Variants in OTULIN observed in about 807,000 individuals in gnomAD.
OTULIN encodes the protein OTU deubiquitinase with linear linkage specificity.
In OTULIN, 15 loss-of-function variants were observed where a neutral mutation model predicts 39.6. The ratio of observed to expected loss-of-function variants is 0.38; its 90% CI spans 0.25 to 0.58. The LOEUF (loss-of-function observed/expected upper bound fraction) is 0.58, where lower values mean the gene tolerates loss of function less well. Among genes scored for constraint, OTULIN ranks in the 20% least tolerant of loss-of-function variants. OTULIN has a pLI of 0.66. For missense variants in OTULIN, 319 were observed against 445.9 expected (o/e 0.72, Z 2.56); for synonymous variants, 156 against 170.3 (o/e 0.92, Z 0.65).
chr5:14,696,698 A>G lies in OTULIN; in HGVS notation c.*3650A>G, dbSNP rs950242436. ...AAGAATAAAAATCTGAATGAATGGA[A>G]GGCCTTACGTGTATACAGTTTACAA... is the stretch of plus-strand genomic sequence containing the variant. On this transcript the variant is annotated 3_prime_UTR_variant, in exon 7 of 7. Coordinates refer to ENST00000284274, the MANE Select transcript of OTULIN (RefSeq NM_138348.6). 1 of 152,096 alleles carries G rather than the reference A, an allele frequency of 6.6e-6. No individual in the cohort carries two copies. The highest frequency in any genetic ancestry group is 1.5e-5 in the Non-Finnish European group (1 of 68,046). 9.4% of individuals were successfully genotyped at this position (152,096 alleles called of 1,614,324 possible). A position where few individuals can be genotyped will look rare whatever the true frequency, so the allele number is the denominator to read the frequency against.
chr5:14,705,910 G>A, the OTULIN span: 2 of 151,712 alleles, frequency 1.3e-5, no homozygotes, highest in African/African-American at 4.8e-5. Context: ...CTACCCGGTT[G>A]TAATGTTCCC....
At chr5:14,715,824 C>T in the OTULIN span, among the ~76,000 whole-genome samples, 2 of 152,180 alleles carry the variant, frequency 1.3e-5, no homozygotes, top group Non-Finnish European at 2.9e-5. Context: ...TATAGTACAC[C>T]TCACACCACT....
At chr5:14,683,424 G>A (rs1273616225) in intron 4 of OTULIN, among the ~76,000 whole-genome samples, 1 of 152,194 alleles carries the variant, frequency 6.6e-6, no homozygotes, top group Non-Finnish European at 1.5e-5. Context: ...CCATTTATTA[G>A]TAAAGTATTT....
chr5:14,695,489 A>G lies in OTULIN; in HGVS notation c.*2441A>G, dbSNP rs977685678. 6.6e-6 allele frequency: 1 copy of G among 152,208 alleles called. No homozygotes were observed. The highest frequency in any genetic ancestry group is 1.9e-4 in the East Asian group (1 of 5,198). The allele number at this position is 152,208 out of a possible 1,614,324, so 9.4% of individuals were successfully genotyped here. On this transcript the variant is annotated 3_prime_UTR_variant, in exon 7 of 7. Transcript: ENST00000284274. ...TATACTATGCCTAACTTTCTATCCC[A>G]GAGTGTCTTGCAAGAGTTTAGGAGT...
At chr5:14,683,278 A>G (rs1285294098) in intron 4 of OTULIN, among the ~76,000 whole-genome samples, 1 of 152,064 alleles carries the variant, frequency 6.6e-6, no homozygotes, top group African/African-American at 2.4e-5. Flanking sequence ...AACCAAAACC[A>G]ACATCTGGGA....
At position 14,684,729 on chromosome 5, in the gene OTULIN, T is replaced by C. The variant is rs145068363; in HGVS notation, c.469-2792T>C. On this transcript the variant is annotated intron_variant, in intron 4 of 6. Transcript: ENST00000284274. ...TGGCATGTTGCTGTCTTCTCTGTCT[T>C]TTAGAACATCATTTGGTTTTAGGGT... Among the ~76,000 whole-genome samples, 789 of 152,328 alleles carry C rather than the reference T, an allele frequency of 5.2e-3. 2 individuals carry two copies. Among genetic ancestry groups the C allele is most frequent in the African/African-American group, 0.018 (738 of 41,572 alleles).
chr5:14,703,039 A>G (rs1736829408), downstream of OTULIN, among the ~76,000 whole-genome samples: 2 of 152,156 alleles, frequency 1.3e-5, no homozygotes, highest in African/African-American at 4.8e-5. Flanking sequence ...GCAGTAGTTT[A>G]GAACTGTGTA....
the OTULIN span, among the ~76,000 whole-genome samples, chr5:14,716,197 T>C: frequency 6.6e-6 from 1 of 152,294 alleles, no homozygotes; most frequent in African/African-American, 2.4e-5. Flanking sequence ...TTGTAATCAC[T>C]GCACTTTTAA....
intron 2 of OTULIN, among the ~76,000 whole-genome samples, chr5:14,678,324 G>A (rs74903135): frequency 0.012 from 1,867 of 152,274 alleles, 36 homozygotes; most frequent in African/African-American, 0.043. Context: ...AGACCAGAGA[G>A]GCAGAGAGGG....
At chr5:14,665,290 C>T (rs1485293979) in intron 1 of OTULIN, among the ~76,000 whole-genome samples, 4 of 152,324 alleles carry the variant, frequency 2.6e-5, no homozygotes, top group Non-Finnish European at 4.4e-5. Flanking sequence ...TATTTTATTA[C>T]TGGTTCCCGC....
At chr5:14,713,478 T>TA in the OTULIN span, 4 of 1,600,954 alleles carry the variant, frequency 2.5e-6, no homozygotes, top group Non-Finnish European at 3.4e-6. The surrounding 1 kb of genome is among the most constrained non-coding windows in gnomAD (Gnocchi z 4.4). Flanking sequence ...ATGTAGCTGT[T>TA]AAACCTCTGG....
Position 14,693,113 on chromosome 5 carries a change from C to T in OTULIN, c.*65C>T, listed in dbSNP as rs972498316. The T allele has an allele frequency of 6.1e-6, 9 of 1,481,228 alleles. No homozygotes were observed. Among genetic ancestry groups the T allele is most frequent in the South Asian group, 1.3e-5 (1 of 78,224 alleles). The allele number at this position is 1,481,228 out of a possible 1,614,324, so 91.8% of individuals were successfully genotyped here. Reference sequence around the variant, plus strand: ...TGCACAGGTGGCTCCTGGGCTTGGGCTGCAGGTTTGGGGGTCTCTAAGAAC... The same window carrying T: ...TGCACAGGTGGCTCCTGGGCTTGGGTTGCAGGTTTGGGGGTCTCTAAGAAC... On this transcript the variant is annotated 3_prime_UTR_variant, in exon 7 of 7. Transcript: ENST00000284274.
At chr5:14,680,399 G>A (rs1388814011) in intron 3 of OTULIN, among the ~76,000 whole-genome samples, 3 of 152,220 alleles carry the variant, frequency 2.0e-5, no homozygotes, top group African/African-American at 7.2e-5. Flanking sequence ...ACAGGACAGA[G>A]GTGGTCTGCA....
In OTULIN at chr5:14,695,642, AC is replaced by A. The variant is rs1438722256; in HGVS notation, c.*2595del. Reference sequence around the variant, plus strand: ...CCCTGTATTATGCTTCATGGGATTAACACTGCTTTTCCAGAACATTTTCAGA... The same window carrying A: ...CCCTGTATTATGCTTCATGGGATTAAACTGCTTTTCCAGAACATTTTCAGA... On this transcript the variant is annotated 3_prime_UTR_variant, in exon 7 of 7. Transcript: ENST00000284274. 2 of 152,196 alleles carry A rather than the reference AC, an allele frequency of 1.3e-5. No individual in the cohort carries two copies. Among genetic ancestry groups the A allele is most frequent in the African/African-American group, 4.8e-5 (2 of 41,448 alleles). 9.4% of individuals were successfully genotyped at this position (152,196 alleles called of 1,614,324 possible). A position where few individuals can be genotyped will look rare whatever the true frequency, so the allele number is the denominator to read the frequency against.
At chr5:14,701,209 T>C (rs1162567628), downstream of OTULIN, among the ~76,000 whole-genome samples, 1 of 152,196 alleles carries the variant, frequency 6.6e-6, no homozygotes, top group Non-Finnish European at 1.5e-5. Flanking sequence ...CCAAGGCAGC[T>C]CCTGGGATGT....
chr5:14,674,759 A>C (rs1736063062), intron 2 of OTULIN, among the ~76,000 whole-genome samples: 1 of 152,212 alleles, frequency 6.6e-6, no homozygotes, highest in Non-Finnish European at 1.5e-5. Flanking sequence ...TCTCAAAAAA[A>C]AAATAAAAAA....
rs183565675 is a variant in OTULIN, at chr5:14,669,985, C to T, written c.153-3657C>T. On this transcript the variant is annotated intron_variant, in intron 1 of 6. Coordinates refer to ENST00000284274, the MANE Select transcript of OTULIN (RefSeq NM_138348.6). Reference sequence around the variant, plus strand: ...ATAGTAGATTATTAACTGTAGTTATCCTACAATGGTATAGAACACTAGAAC... The same window carrying T: ...ATAGTAGATTATTAACTGTAGTTATTCTACAATGGTATAGAACACTAGAAC... Among the ~76,000 whole-genome samples the T allele has an allele frequency of 3.7e-4, 56 of 152,252 alleles. 1 individual carries two copies. In the East Asian group the frequency reaches 9.4e-3, roughly 26 times the overall value.
At chr5:14,680,634 A>AT (rs2126309650) in intron 3 of OTULIN, among the ~76,000 whole-genome samples, 1 of 152,244 alleles carries the variant, frequency 6.6e-6, no homozygotes, top group South Asian at 2.1e-4. Context: ...ACTCACTAGG[A>AT]TTTTTTGGTG....
At chr5:14,685,332 TTACC>T (rs1351897800) in intron 4 of OTULIN, among the ~76,000 whole-genome samples, 6 of 152,256 alleles carry the variant, frequency 3.9e-5, no homozygotes, top group Admixed American at 3.9e-4. Flanking sequence ...CCTAAGCTAA[TTACC>T]TACTTTATTC....
Sources: gnomAD v4.1 joint callset for allele counts (sites outside exome capture counted in the v4.1 genomes callset) on GRCh38, gnomAD v4.1.1 for gene constraint, Gnocchi (gnomAD v3.1) non-coding constraint, MANE v1.5 for transcripts, NCBI Gene and HGNC (gene_info 2026-07-23, HGNC 2026-07-21) for gene names.